YWHAG: variants seen among roughly 807,000 people sequenced by gnomAD.
YWHAG encodes the protein 14-3-3 protein gamma.
In YWHAG, 1 loss-of-function variant was observed where a neutral mutation model predicts 23.3. The ratio of observed to expected loss-of-function variants is 0.04; its 90% confidence interval spans 0.02 to 0.20. The LOEUF is 0.20. YWHAG is among the 10% of genes least tolerant of loss of function. The pLI is 1.00. For missense variants in YWHAG, 151 were observed against 338.6 expected (o/e 0.45, Z 4.35); for synonymous variants, 160 against 144.0 (o/e 1.11, Z -0.80).
intron 1 of YWHAG, among the ~76,000 whole-genome samples, chr7:76,342,388 C>T (rs1043230043): frequency 5.9e-5 from 9 of 152,208 alleles, no homozygotes; most frequent in African/African-American, 2.2e-4. Flanking sequence ...TTCTTACAAA[C>T]CCTGCTGGGT....
At chr7:76,331,549 AT>A (rs774893313) in intron 1 of YWHAG, among the ~76,000 whole-genome samples, 6,045 of 140,372 alleles carry the variant, frequency 0.043, 125 homozygotes, top group African/African-American at 0.072. Context: ...TCTTTTTGCG[AT>A]TTTTTTTTTT....
intron 1 of YWHAG, among the ~76,000 whole-genome samples, chr7:76,358,214 G>C (rs978758557): frequency 2.2e-4 from 33 of 152,280 alleles, no homozygotes; most frequent in Middle Eastern, 3.4e-3. Flanking sequence ...GGATGTGTCG[G>C]GACAGACAGT....
intron 1 of YWHAG, among the ~76,000 whole-genome samples, chr7:76,350,080 T>C (rs1803852005): frequency 6.6e-6 from 1 of 152,026 alleles, no homozygotes; most frequent in Non-Finnish European, 1.5e-5. Context: ...TGCTGAAAAA[T>C]GGTGAAGCTG....
rs1382029859 is a variant in YWHAG, at chr7:76,329,111, TC to T, written c.*465del. On this transcript the variant is annotated 3_prime_UTR_variant, in exon 2 of 2. Transcript: ENST00000307630. This position sits in a 1 kb window ranked among gnomAD's most constrained non-coding sequence, Gnocchi z 6.1. The stretch of plus-strand genomic sequence containing the variant: ...TCTGTCAGTCTGGGATTTACACTGT[TC>T]CATGTCTGTAGGCTACACCCTGGAA... The T allele has an allele frequency of 6.1e-6, 1 of 163,186 alleles. No individual in the cohort carries two copies. 10.1% of individuals were successfully genotyped at this position (163,186 alleles called of 1,614,324 possible). A position where few individuals can be genotyped will look rare whatever the true frequency, so the allele number is the denominator to read the frequency against.
chr7:76,348,588 T>A (rs1803822219), intron 1 of YWHAG, among the ~76,000 whole-genome samples: 1 of 152,086 alleles, frequency 6.6e-6, no homozygotes, highest in Non-Finnish European at 1.5e-5. Flanking sequence ...GTATTTTTAG[T>A]AGAGACGGGG....
At chr7:76,352,997 C>T (rs1803898080) in intron 1 of YWHAG, among the ~76,000 whole-genome samples, 1 of 152,088 alleles carries the variant, frequency 6.6e-6, no homozygotes, top group African/African-American at 2.4e-5. Flanking sequence ...TAGTATTCAA[C>T]TCAGGTAAAG....
At chr7:76,343,619 C>A (rs1803732380) in intron 1 of YWHAG, among the ~76,000 whole-genome samples, 1 of 152,160 alleles carries the variant, frequency 6.6e-6, no homozygotes, top group Non-Finnish European at 1.5e-5. Flanking sequence ...TTCCACCCAC[C>A]TCCTTTCCAA....
chr7:76,353,901 C>A (rs1803910345), intron 1 of YWHAG, among the ~76,000 whole-genome samples: 1 of 151,412 alleles, frequency 6.6e-6, no homozygotes, highest in Non-Finnish European at 1.5e-5. Flanking sequence ...ACACCCCGTT[C>A]CTACAAAAAA....
rs1239856905 is a variant in YWHAG, at chr7:76,327,738, C to T, written c.*1839G>A. On this transcript the variant is annotated 3_prime_UTR_variant, in exon 2 of 2. Coordinates refer to ENST00000307630, the MANE Select transcript of YWHAG (RefSeq NM_012479.4). ...TGACTTTAGGCGCCTGTGAGAGGCA[C>T]AAAAGCGGCAAAGCTTCTTCTACTA... 1 of 135,004 alleles carries T rather than the reference C, an allele frequency of 7.4e-6. No individual in the cohort carries two copies. The highest frequency in any genetic ancestry group is 1.5e-5 in the Non-Finnish European group (1 of 65,208). The allele number at this position is 135,004 out of a possible 1,614,324, so 8.4% of individuals were successfully genotyped here.
chr7:76,346,208 G>C (rs1403359644), intron 1 of YWHAG, among the ~76,000 whole-genome samples: 1 of 152,126 alleles, frequency 6.6e-6, no homozygotes, highest in Non-Finnish European at 1.5e-5. Context: ...GCTCTTTCCT[G>C]AGGCTCTCCT....
intron 1 of YWHAG, among the ~76,000 whole-genome samples, chr7:76,353,152 T>G (rs1221473802): frequency 6.6e-6 from 1 of 152,232 alleles, no homozygotes; most frequent in Non-Finnish European, 1.5e-5. Flanking sequence ...TTCTACAAAA[T>G]CATGGTAGCA....
At position 76,354,515 on chromosome 7, in the gene YWHAG, G is replaced by A. The variant is rs141704370; in HGVS notation, c.87+4207C>T. Among the ~76,000 whole-genome samples, 38 of 152,156 alleles carry A rather than the reference G, an allele frequency of 2.5e-4. No homozygotes were observed. The East Asian group carries it at 7.0e-3, about 28-fold the overall frequency. On this transcript the variant is annotated intron_variant, in intron 1 of 1. Coordinates refer to ENST00000307630, the MANE Select transcript of YWHAG (RefSeq NM_012479.4). ...AGCCTGGGTGACAGAGCAAGACTCC[G>A]TCTCAAAAAAATTAAAATAAAATAC...
chr7:76,354,294 T>A (rs1179134962), intron 1 of YWHAG, among the ~76,000 whole-genome samples: 1 of 152,144 alleles, frequency 6.6e-6, no homozygotes, highest in Non-Finnish European at 1.5e-5. Context: ...GCAGATCACC[T>A]GAAGTCAGGA....
At position 76,329,807 on chromosome 7, in the gene YWHAG, G is replaced by C; in HGVS notation, c.514C>G (p.Arg172Gly). ...KEHMQPTHPI[R>G]LGLALNYSVF... Reference sequence around the variant, plus strand: ...GAGTAGTTAAGAGCCAGGCCTAATCGGATGGGGTGGGTGGGCTGCATGTGC... The same window carrying C: ...GAGTAGTTAAGAGCCAGGCCTAATCCGATGGGGTGGGTGGGCTGCATGTGC... The change falls in exon 2 of 2, where the codon CGA becomes GGA. Residue 172 changes from arginine to glycine, a missense_variant. Coordinates refer to ENST00000307630, the MANE Select transcript of YWHAG (RefSeq NM_012479.4). The surrounding 1 kb of genome is among the most constrained non-coding windows in gnomAD (Gnocchi z 6.1). 6.2e-7 allele frequency: 1 copy of C among 1,613,886 alleles called. No homozygotes were observed. Among genetic ancestry groups the C allele is most frequent in the Non-Finnish European group, 8.5e-7 (1 of 1,179,996 alleles).
chr7:76,338,827 C>A (rs1164457945), intron 1 of YWHAG, among the ~76,000 whole-genome samples: 1 of 152,184 alleles, frequency 6.6e-6, no homozygotes, highest in East Asian at 1.9e-4. Context: ...GTAACAGGCA[C>A]GTATCCACTG....
chr7:76,346,440 C>A (rs1244942141), intron 1 of YWHAG, among the ~76,000 whole-genome samples: 1 of 152,228 alleles, frequency 6.6e-6, no homozygotes, highest in Non-Finnish European at 1.5e-5. Context: ...GTTAGGCCAG[C>A]CTGGTTATTA....
intron 1 of YWHAG, among the ~76,000 whole-genome samples, chr7:76,353,784 C>A (rs1803907994): frequency 6.6e-6 from 1 of 151,952 alleles, no homozygotes; most frequent in Non-Finnish European, 1.5e-5. Flanking sequence ...TAATTATAGA[C>A]CGGGCTGGGT....
Position 76,329,704 on chromosome 7 carries a change from G to C in YWHAG, c.617C>G (p.Ala206Gly). The stretch of plus-strand genomic sequence containing the variant: ...GTCCTCGTTGAGGGTGTCAAGCTCG[G>C]CGATGGCGTCGTCGAACGCGGTCTT... ...LAKTAFDDAI[A>G]ELDTLNEDSY... is the part of the protein sequence containing the mutation. Residue 206 changes from alanine to glycine, a missense_variant, in exon 2 of 2, where the codon GCC (alanine) becomes GGC (glycine). Ala to Gly is a moderately conservative substitution (Grantham distance 60). Transcript: ENST00000307630. The surrounding 1 kb of genome is among the most constrained non-coding windows in gnomAD (Gnocchi z 6.1). 1 of 1,614,228 alleles carries C rather than the reference G, an allele frequency of 6.2e-7. No individual in the cohort carries two copies. Among genetic ancestry groups the C allele is most frequent in the Non-Finnish European group, 8.5e-7 (1 of 1,180,044 alleles).
intron 1 of YWHAG, among the ~76,000 whole-genome samples, chr7:76,343,336 A>T (rs1583988789): frequency 6.6e-6 from 1 of 152,068 alleles, no homozygotes; most frequent in African/African-American, 2.4e-5. Context: ...AAGCAGAAGA[A>T]CCCTGCTGTG....
Sources: allele counts gnomAD v4.1 joint callset (sites outside exome capture counted in the v4.1 genomes callset), GRCh38; gene constraint gnomAD v4.1.1; non-coding constraint Gnocchi (gnomAD v3.1); transcripts MANE v1.5; gene names NCBI Gene and HGNC (gene_info 2026-07-23, HGNC 2026-07-21).